The following DTNA variants were observed in gnomAD, a reference collection of about 807,000 sequenced individuals.
DTNA encodes dystrobrevin alpha.
Under a neutral mutation model 100.7 loss-of-function variants are expected in DTNA, and 43 were observed. The observed-to-expected ratio is 0.43, with a 90% confidence interval of 0.33 to 0.55. The LOEUF (loss-of-function observed/expected upper bound fraction) is 0.55. Ranked by LOEUF, DTNA falls within the 20% of genes least tolerant of loss-of-function variation. DTNA has a pLI of 0.04. For missense variants in DTNA, 798 were observed against 953.9 expected (o/e 0.84, Z 2.15); for synonymous variants, 349 against 347.9 (o/e 1.00, Z -0.04).
chr18:34,681,731 C>CACACACACACACACACACACACACACACA (rs1491407771), intron 1 of DTNA, among the ~76,000 whole-genome samples: 2 of 148,062 alleles, frequency 1.4e-5, no homozygotes, highest in African/African-American at 5.1e-5. Context: ...CACACACACA[C>CACACACACACACACACACACACACACACA]CCCACACACA....
rs530783757 is a variant in DTNA, at chr18:34,724,111, G to C, written c.-2+13666G>C. 2.6e-5 allele frequency among the ~76,000 whole-genome samples: 4 copies of C among 152,218 alleles called. No homozygotes were observed. The South Asian group carries it at 8.3e-4, about 32-fold the overall frequency. Reference sequence around the variant, plus strand: ...AAAGCCATTCTCACACTTTATTGGTGGTGAAATATAAATTAATACAATCAT... The same window carrying C: ...AAAGCCATTCTCACACTTTATTGGTCGTGAAATATAAATTAATACAATCAT... On this transcript the variant is annotated intron_variant, in intron 1 of 22. Coordinates refer to ENST00000444659, the MANE Select transcript of DTNA (RefSeq NM_001386795.1).
chr18:34,588,153 A>G (rs1315646540), intron 1 of DTNA, among the ~76,000 whole-genome samples: 3 of 152,288 alleles, frequency 2.0e-5, no homozygotes, highest in Admixed American at 6.5e-5. Context: ...AAATATATCT[A>G]TAGACTTAAG....
intron 3 of DTNA, among the ~76,000 whole-genome samples, chr18:34,777,307 G>A (rs2094110720): frequency 6.6e-6 from 1 of 152,120 alleles, no homozygotes; most frequent in Non-Finnish European, 1.5e-5. Flanking sequence ...GAGACTACTG[G>A]GGAGGAGCTC....
At chr18:34,671,382 T>C (rs2076736988) in intron 1 of DTNA, among the ~76,000 whole-genome samples, 1 of 152,170 alleles carries the variant, frequency 6.6e-6, no homozygotes. Context: ...GCTTCCCAGG[T>C]GAGGCAATGC....
intron 1 of DTNA, among the ~76,000 whole-genome samples, chr18:34,673,202 C>T (rs1568183645): frequency 6.6e-6 from 1 of 152,154 alleles, no homozygotes; most frequent in Non-Finnish European, 1.5e-5. Flanking sequence ...TCTCCCACCT[C>T]AGCCTCCCAA....
At chr18:34,687,663 G>T (rs1340693281) in intron 1 of DTNA, among the ~76,000 whole-genome samples, 1 of 152,152 alleles carries the variant, frequency 6.6e-6, no homozygotes, top group Non-Finnish European at 1.5e-5. Context: ...AGATCTGCCT[G>T]GTCCAGAGCT....
chr18:34,725,417 C>G (rs1343403836), intron 1 of DTNA, among the ~76,000 whole-genome samples: 1 of 151,216 alleles, frequency 6.6e-6, no homozygotes, highest in Non-Finnish European at 1.5e-5. Context: ...AAAAAACAAC[C>G]CCATCAAAAA....
intron 3 of DTNA, 126 bp downstream of exon 3, chr18:34,766,167 A>G: frequency 8.9e-7 from 1 of 1,128,778 alleles, no homozygotes; most frequent in Non-Finnish European, 1.3e-6. Flanking sequence ...TTACACAACA[A>G]TAAAAGGGGT....
chr18:34,577,955 T>C lies in DTNA; in HGVS notation c.-2+84441T>C, dbSNP rs2048271950. ...AGTTTTTTTTTTTTTTTTGGTATAA[T>C]GGCTTTTTTTCCTCTGGGTAGATAC... On this transcript the variant is annotated intron_variant, in intron 1 of 19. Coordinates refer to the DTNA transcript ENST00000283365. 1.3e-5 allele frequency among the ~76,000 whole-genome samples: 2 copies of C among 150,136 alleles called. 1 individual carries two copies. The highest frequency in any genetic ancestry group is 1.3e-4 in the Admixed American group (2 of 15,062).
intron 5 of DTNA, among the ~76,000 whole-genome samples, chr18:34,806,773 G>A (rs1044095736): frequency 9.2e-5 from 14 of 152,210 alleles, no homozygotes; most frequent in Admixed American, 9.2e-4. Flanking sequence ...AAGAAGAATA[G>A]GAATTACATA....
chr18:34,809,492 G>A (rs994454984), intron 5 of DTNA, among the ~76,000 whole-genome samples: 1 of 152,004 alleles, frequency 6.6e-6, no homozygotes, highest in Non-Finnish European at 1.5e-5. Context: ...AAACAGGTAA[G>A]GTCATGATTT....
intron 3 of DTNA, among the ~76,000 whole-genome samples, chr18:34,778,330 ATTTTT>A (rs1392761755): frequency 6.6e-6 from 1 of 152,206 alleles, no homozygotes; most frequent in Non-Finnish European, 1.5e-5. Flanking sequence ...AGACAATTGC[ATTTTT>A]TATTACATTA....
intron 1 of DTNA, among the ~76,000 whole-genome samples, chr18:34,528,478 A>G (rs2042845439): frequency 6.6e-6 from 1 of 152,000 alleles, no homozygotes; most frequent in South Asian, 2.1e-4. Context: ...TCAGCAATGC[A>G]TATATATATA....
intron 1 of DTNA, among the ~76,000 whole-genome samples, chr18:34,595,601 G>A (rs887768359): frequency 2.6e-5 from 4 of 152,076 alleles, no homozygotes; most frequent in African/African-American, 9.7e-5. Flanking sequence ...GATAATTATA[G>A]TATCTCAAGT....
chr18:34,845,654 G>C (rs922011998), intron 13 of DTNA, among the ~76,000 whole-genome samples: 8 of 152,126 alleles, frequency 5.3e-5, no homozygotes, highest in African/African-American at 1.9e-4. Context: ...TTGTCTCTTT[G>C]TGGGGTAGTT....
At position 34,503,689 on chromosome 18, in the gene DTNA, A is replaced by C. The variant is rs575418972; in HGVS notation, c.-2+10175A>C. On this transcript the variant is annotated intron_variant, in intron 1 of 19. Transcript: ENST00000283365. ...ATATTAATACAATACTTTAGTGCTT[A>C]AATCTGCCATTTTTTGTTTGTTATC... Among the ~76,000 whole-genome samples, 15 of 152,102 alleles carry C rather than the reference A, an allele frequency of 9.9e-5. 1 individual carries two copies. The South Asian group carries it at 2.9e-3, about 29-fold the overall frequency.
intron 1 of DTNA, among the ~76,000 whole-genome samples, chr18:34,650,317 T>A (rs530456251): frequency 6.6e-6 from 1 of 152,078 alleles, no homozygotes; most frequent in Non-Finnish European, 1.5e-5. Context: ...TCAGATGAAC[T>A]CTTCATTTTA....
chr18:34,843,795 A>G (rs1214028523), intron 13 of DTNA, among the ~76,000 whole-genome samples: 1 of 152,150 alleles, frequency 6.6e-6, no homozygotes, highest in African/African-American at 2.4e-5. Flanking sequence ...ACTGAATTGT[A>G]TGCCTTTAAT....
chr18:34,590,166 A>G (rs2049565567), intron 1 of DTNA, among the ~76,000 whole-genome samples: 1 of 152,186 alleles, frequency 6.6e-6, no homozygotes, highest in African/African-American at 2.4e-5. Flanking sequence ...ATTTAATAAG[A>G]TAATAAATAG....
Sources: allele counts gnomAD v4.1 joint callset (sites outside exome capture counted in the v4.1 genomes callset), GRCh38; gene constraint gnomAD v4.1.1; transcripts MANE v1.5; gene names NCBI Gene and HGNC (gene_info 2026-07-23, HGNC 2026-07-21).